Variants in RALYL observed in about 807,000 individuals in gnomAD.
The protein encoded by RALYL is RALY RNA binding protein like.
In RALYL, 29 loss-of-function variants were observed where a neutral mutation model predicts 35.1. The observed-to-expected ratio is 0.83, with a 90% CI of 0.61 to 1.13. The LOEUF is 1.13. Among genes scored for constraint, RALYL ranks in the 50% most tolerant of loss-of-function variants. The pLI, the probability that RALYL is intolerant of heterozygous loss-of-function variation, is 0.00. For synonymous variants in RALYL, 120 were observed against 127.6 expected, an observed-to-expected ratio of 0.94 and a Z score of 0.40; for missense variants, 359 against 360.4, an observed-to-expected ratio of 1.00 and a Z score of 0.03.
chr8:84,333,315 G>A (rs1847173855), intron 1 of RALYL, among the ~76,000 whole-genome samples: 1 of 152,052 alleles, frequency 6.6e-6, no homozygotes, highest in African/African-American at 2.4e-5. Context: ...GATGCACTAG[G>A]TGTTCTTTAA....
At chr8:84,599,763 A>C (rs1024884384) in intron 2 of RALYL, among the ~76,000 whole-genome samples, 16 of 152,142 alleles carry the variant, frequency 1.1e-4, no homozygotes, top group African/African-American at 3.9e-4. Context: ...TTGTAAATGT[A>C]TGTGTATGTG....
intron 1 of RALYL, among the ~76,000 whole-genome samples, chr8:84,219,831 C>T (rs1821748083): frequency 6.6e-6 from 1 of 151,626 alleles, no homozygotes; most frequent in South Asian, 2.1e-4. Context: ...ACTGCTTTTC[C>T]CCTCTTAAAA....
At chr8:84,874,887 T>C (rs979011794) in intron 7 of RALYL, among the ~76,000 whole-genome samples, 4 of 152,144 alleles carry the variant, frequency 2.6e-5, no homozygotes, top group African/African-American at 9.7e-5. Flanking sequence ...AACACACCCA[T>C]GTACAGGCAA....
intron 1 of RALYL, among the ~76,000 whole-genome samples, chr8:84,423,121 G>A (rs1258831017): frequency 3.2e-4 from 48 of 150,536 alleles, no homozygotes; most frequent in Admixed American, 1.1e-3. Flanking sequence ...TTTCTGTCTC[G>A]TTGATCTGTC....
chr8:84,649,518 C>A (rs995773624), intron 2 of RALYL, among the ~76,000 whole-genome samples: 8 of 151,938 alleles, frequency 5.3e-5, no homozygotes, highest in African/African-American at 1.9e-4. Context: ...GTTTTCCCAG[C>A]ACCATTTATT....
At chr8:84,383,957 G>C (rs986942029) in intron 1 of RALYL, among the ~76,000 whole-genome samples, 2 of 151,622 alleles carry the variant, frequency 1.3e-5, no homozygotes, top group African/African-American at 4.8e-5. Flanking sequence ...AAAGGATAAA[G>C]AAACAACTTA....
At chr8:84,886,729 G>A (rs530480634) in intron 7 of RALYL, among the ~76,000 whole-genome samples, 1 of 152,262 alleles carries the variant, frequency 6.6e-6, no homozygotes, top group East Asian at 1.9e-4. Context: ...CATTTGAGCA[G>A]GTTTCTGTAT....
intron 2 of RALYL, among the ~76,000 whole-genome samples, chr8:84,724,515 A>AC: frequency 6.6e-6 from 1 of 151,966 alleles, no homozygotes; most frequent in South Asian, 2.1e-4. Flanking sequence ...CTTTAAAAGT[A>AC]CCATCTTTGA....
At chr8:84,817,555 ATTATT>A (rs1254681201) in intron 4 of RALYL, among the ~76,000 whole-genome samples, 1 of 149,796 alleles carries the variant, frequency 6.7e-6, no homozygotes, top group Non-Finnish European at 1.5e-5. Context: ...TATTATTATT[ATTATT>A]ATTAATTTCT....
rs1446549822 is a variant in RALYL, at chr8:84,638,867, CATAAATATATATATATATATAT to C, written c.256+109294_256+109315del. On this transcript the variant is annotated intron_variant, in intron 2 of 8. Coordinates refer to ENST00000521268, the MANE Select transcript of RALYL (RefSeq NM_173848.7). Reference sequence around the variant, plus strand: ...CAGAAATACGAGTATCTAATGCACGCATAAATATATATATATATATATATATATATATATATATATATATATA... The same window carrying C: ...CAGAAATACGAGTATCTAATGCACGCATATATATATATATATATATATATA... 9.8e-4 allele frequency among the ~76,000 whole-genome samples: 100 copies of C among 102,124 alleles called. 2 individuals are homozygous for C. The highest frequency in any genetic ancestry group is 2.1e-3 in the African/African-American group (45 of 21,112). 67.0% of individuals were successfully genotyped at this position (102,124 alleles called of 152,430 possible). A position where few individuals can be genotyped will look rare whatever the true frequency, so the allele number is the denominator to read the frequency against.
intron 6 of RALYL, among the ~76,000 whole-genome samples, chr8:84,866,336 T>C (rs553576668): frequency 1.3e-5 from 2 of 152,340 alleles, no homozygotes; most frequent in African/African-American, 4.8e-5. Context: ...TATATACCTC[T>C]AATTTCTACC....
At chr8:84,832,876 T>A (rs943104011) in intron 4 of RALYL, among the ~76,000 whole-genome samples, 3 of 152,222 alleles carry the variant, frequency 2.0e-5, no homozygotes, top group Non-Finnish European at 4.4e-5. Context: ...CTATTCTTTT[T>A]TAAAACATAC....
At chr8:84,363,203 G>A (rs1312471335) in intron 1 of RALYL, among the ~76,000 whole-genome samples, 4 of 152,148 alleles carry the variant, frequency 2.6e-5, no homozygotes, top group Non-Finnish European at 4.4e-5. Flanking sequence ...AATACTCAAA[G>A]CCCCTACAAC....
intron 1 of RALYL, among the ~76,000 whole-genome samples, chr8:84,504,561 C>G (rs977225846): frequency 2.0e-5 from 3 of 152,190 alleles, no homozygotes; most frequent in African/African-American, 2.4e-5. Flanking sequence ...AAATCAAGAA[C>G]AGTTTCCATG....
At chr8:84,342,369 T>G (rs1400650604) in intron 1 of RALYL, among the ~76,000 whole-genome samples, 2 of 144,492 alleles carry the variant, frequency 1.4e-5, no homozygotes, top group Non-Finnish European at 3.0e-5. Flanking sequence ...TAATCGTCTG[T>G]GAAGGCATCA....
chr8:84,356,852 A>T (rs766444320), intron 1 of RALYL, among the ~76,000 whole-genome samples: 2 of 150,966 alleles, frequency 1.3e-5, no homozygotes, highest in African/African-American at 2.5e-5. Context: ...TTTGGGCCAG[A>T]TTCAAATTGA....
At chr8:84,832,619 G>GT (rs1240883103) in intron 4 of RALYL, among the ~76,000 whole-genome samples, 5 of 152,084 alleles carry the variant, frequency 3.3e-5, no homozygotes, top group African/African-American at 1.2e-4. Context: ...CAGATTTAGG[G>GT]TATCAGCTTT....
chr8:84,291,505 T>G (rs1372090893), intron 1 of RALYL, among the ~76,000 whole-genome samples: 1 of 152,186 alleles, frequency 6.6e-6, no homozygotes, highest in Non-Finnish European at 1.5e-5. Context: ...AATTATATTT[T>G]CTCTAGGAAA....
intron 4 of RALYL, among the ~76,000 whole-genome samples, chr8:84,807,570 A>C (rs919666932): frequency 6.6e-6 from 1 of 152,200 alleles, no homozygotes; most frequent in African/African-American, 2.4e-5. Flanking sequence ...TTCTACTATT[A>C]GTTCTTTAAA....
Sources: gnomAD v4.1 joint callset for allele counts (sites outside exome capture counted in the v4.1 genomes callset) on GRCh38, gnomAD v4.1.1 for gene constraint, MANE v1.5 for transcripts, NCBI Gene and HGNC (gene_info 2026-07-23, HGNC 2026-07-21) for gene names.